The following MYL6 variants were observed in gnomAD, a reference collection of about 807,000 sequenced individuals.
MYL6 encodes myosin light chain 6.
In MYL6, 20 loss-of-function variants were observed where a neutral mutation model predicts 20.3. The observed-to-expected ratio is 0.98, with a 90% CI of 0.69 to 1.43. The LOEUF (loss-of-function observed/expected upper bound fraction) is 1.43, where lower values mean the gene tolerates loss of function less well. Ranked by LOEUF, MYL6 falls within the 40% of genes most tolerant of loss-of-function variation. MYL6 has a pLI of 0.00. For synonymous variants in MYL6, 77 were observed against 72.4 expected, an observed-to-expected ratio of 1.06 and a Z score of -0.32; for missense variants, 164 against 191.0, an observed-to-expected ratio of 0.86 and a Z score of 0.83.
intron 6 of MYL6, 30 bp downstream of exon 6, chr12:56,160,700 TG>T: frequency 6.2e-7 from 1 of 1,611,336 alleles, no homozygotes; most frequent in Non-Finnish European, 8.5e-7. Flanking sequence ...CTCCTCTAGT[TG>T]ATCTCCCCAG....
chr12:56,160,337 G>C lies in MYL6; in HGVS notation c.427+17G>C, dbSNP rs560993573. Reference sequence around the variant, plus strand: ...ACTATGAAGGTAAGAGGTGAACTGCGCTTTCTCAGAGAAAGCAGCCATATG... The same window carrying C: ...ACTATGAAGGTAAGAGGTGAACTGCCCTTTCTCAGAGAAAGCAGCCATATG... On this transcript the variant is annotated intron_variant, in intron 5 of 6. Coordinates refer to ENST00000550697, the MANE Select transcript of MYL6 (RefSeq NM_021019.5). 2 of 1,613,920 alleles carry C rather than the reference G, an allele frequency of 1.2e-6. No individual in the cohort carries two copies. The highest frequency in any genetic ancestry group is 1.7e-5 in the Admixed American group (1 of 59,996).
Position 56,159,742 on chromosome 12 carries a change from A to G in MYL6, c.175+12A>G, listed in dbSNP as rs1322265910. Reference sequence around the variant, plus strand: ...CCCCAAGAGTGATGGTGAGGGGCCTAAAGAACAACTCCTCAGTGTGGTCAT... The same window carrying G: ...CCCCAAGAGTGATGGTGAGGGGCCTGAAGAACAACTCCTCAGTGTGGTCAT... On this transcript the variant is annotated intron_variant, in intron 3 of 6. Transcript: ENST00000550697. 6.2e-7 allele frequency: 1 copy of G among 1,612,690 alleles called. No individual in the cohort carries two copies. The highest frequency in any genetic ancestry group is 2.2e-5 in the East Asian group (1 of 44,868).
chr12:56,158,458 G>C, intron 1 of MYL6, 54 bp downstream of exon 1: 1 of 1,556,056 alleles, frequency 6.4e-7, no homozygotes, highest in South Asian at 1.2e-5. Flanking sequence ...GGCAGGAAGA[G>C]ACGGGTGGGG....
At chr12:56,158,851 G>T in intron 2 of MYL6, 140 bp downstream of exon 2, 1 of 1,500,846 alleles carries the variant, frequency 6.7e-7, no homozygotes, top group Non-Finnish European at 8.8e-7. Context: ...TCTTCTTCTG[G>T]ATCCTCCATT....
At chr12:56,161,322 C>T in intron 6 of MYL6, 65 bp from the exon 7 acceptor site, 1 of 1,595,772 alleles carries the variant, frequency 6.3e-7, no homozygotes, top group Non-Finnish European at 8.6e-7. Context: ...CTGGTAGTCC[C>T]CTGGCCCTTG....
intron 6 of MYL6, 89 bp from the exon 7 acceptor site, chr12:56,161,298 G>A: frequency 1.3e-6 from 2 of 1,518,036 alleles, no homozygotes; most frequent in Middle Eastern, 1.9e-4. Context: ...TCCCGCTTAT[G>A]CTACCTTTGC....
rs1177503847 is a variant in MYL6 at position 56,161,413 on chromosome 12, T to C, written c.*43T>C. On this transcript the variant is annotated 3_prime_UTR_variant, in exon 7 of 7. Coordinates refer to ENST00000550697, the MANE Select transcript of MYL6 (RefSeq NM_021019.5). Reference sequence around the variant, plus strand: ...GCTCGTCCGCATGGTGCTGAATGGCTGAGGACCTTCCCAGTCTCCCCAGAG... The same window carrying C: ...GCTCGTCCGCATGGTGCTGAATGGCCGAGGACCTTCCCAGTCTCCCCAGAG... 1.2e-6 allele frequency: 2 copies of C among 1,614,100 alleles called. No individual in the cohort carries two copies. Among genetic ancestry groups the C allele is most frequent in the Non-Finnish European group, 1.7e-6 (2 of 1,180,040 alleles).
Position 56,160,321 on chromosome 12 carries a change from G to GT in MYL6, c.427+2dup, listed in dbSNP as rs745724012. 2 of 1,614,150 alleles carry GT rather than the reference G, an allele frequency of 1.2e-6. No individual in the cohort carries two copies. The highest frequency in any genetic ancestry group is 1.1e-5 in the South Asian group (1 of 91,088). On this transcript the variant is annotated splice_donor_variant, in intron 5 of 6. Transcript: ENST00000550697. LOFTEE classifies it high-confidence loss of function. ...AGCAATGGTTGTATCAACTATGAAG[G>GT]TAAGAGGTGAACTGCGCTTTCTCAG...
Position 56,160,661 on chromosome 12 carries a change from C to CACCCTGTCGGGGTG in MYL6, c.*8_*9insCCCTGTCGGGGTGA. On this transcript the variant is annotated 3_prime_UTR_variant, in exon 6 of 7. Coordinates refer to ENST00000550697, the MANE Select transcript of MYL6 (RefSeq NM_021019.5). ...GCATATCCTGTCGGGGTGACGGGCCCATGGGGCGGGTACGGCTCCTCCCAG... is the reference window on the plus strand; with the variant it reads ...GCATATCCTGTCGGGGTGACGGGCCCACCCTGTCGGGGTGATGGGGCGGGTACGGCTCCTCCCAG... 6.2e-7 allele frequency: 1 copy of CACCCTGTCGGGGTG among 1,614,160 alleles called. No homozygotes were observed. The highest frequency in any genetic ancestry group is 8.5e-7 in the Non-Finnish European group (1 of 1,180,014).
In MYL6 at chr12:56,161,047, C is replaced by T. The variant is rs1592263178; in HGVS notation, c.*17-340C>T. 1.6e-5 allele frequency: 9 copies of T among 566,236 alleles called. No individual in the cohort carries two copies. In the East Asian group the frequency reaches 2.7e-4, roughly 17 times the overall value. 35.1% of individuals were successfully genotyped at this position (566,236 alleles called of 1,614,324 possible). On this transcript the variant is annotated intron_variant, in intron 6 of 6. Coordinates refer to ENST00000550697, the MANE Select transcript of MYL6 (RefSeq NM_021019.5). ...TGCTATAGCTGAACAGTCCTTTCCC[C>T]TTCCCTCGCTGGGCAGCTTGGAGGT...
At chr12:56,160,450 C>T in intron 5 of MYL6, 130 bp downstream of exon 5, 1 of 1,449,112 alleles carries the variant, frequency 6.9e-7, no homozygotes, top group South Asian at 1.2e-5. Context: ...AGGGCCCTGC[C>T]CAGCCCAGCC....
chr12:56,161,350 C>T lies in MYL6; in HGVS notation c.*17-37C>T, dbSNP rs765222191. ...GGCCCTTGGCGTACCCCTCCACAGC[C>T]CTGTTCCCTGGCTCATCCCACCTTT... is the stretch of plus-strand genomic sequence containing the variant. On this transcript the variant is annotated intron_variant, in intron 6 of 6. Coordinates refer to ENST00000550697, the MANE Select transcript of MYL6 (RefSeq NM_021019.5). 3.7e-6 allele frequency: 6 copies of T among 1,613,948 alleles called. No homozygotes were observed. The South Asian group carries it at 6.6e-5, about 18-fold the overall frequency.
rs541262843 is a variant in MYL6, at chr12:56,161,374, T to C, written c.*17-13T>C. The C allele has an allele frequency of 1.9e-6, 3 of 1,614,092 alleles. No individual in the cohort carries two copies. Among genetic ancestry groups the C allele is most frequent in the East Asian group, 2.2e-5 (1 of 44,870 alleles). On this transcript the variant is annotated splice_polypyrimidine_tract_variant and intron_variant, in intron 6 of 6. Coordinates refer to ENST00000550697, the MANE Select transcript of MYL6 (RefSeq NM_021019.5). ...CCCTGTTCCCTGGCTCATCCCACCT[T>C]TCCTTTCCACAGAGCTCGTCCGCAT...
intron 3 of MYL6, 90 bp downstream of exon 3, chr12:56,159,820 C>T: frequency 6.5e-7 from 1 of 1,540,294 alleles, no homozygotes; most frequent in Middle Eastern, 1.8e-4. Flanking sequence ...AGGCCCCAAA[C>T]TCAAGCAAGT....
At position 56,160,310 on chromosome 12, in the gene MYL6, C is replaced by G; in HGVS notation, c.417C>G (p.Ile139Met). The change falls in exon 5 of 7, where the codon ATC becomes ATG. Residue 139 changes from isoleucine (I) to methionine (M), a missense_variant. Physicochemically the swap from Ile to Met is conservative, Grantham distance 10. Coordinates refer to ENST00000550697, the MANE Select transcript of MYL6 (RefSeq NM_021019.5). ...GGCATGAGGACAGCAATGGTTGTATCAACTATGAAGGTAAGAGGTGAACTG... is the reference window on the plus strand; with the variant it reads ...GGCATGAGGACAGCAATGGTTGTATGAACTATGAAGGTAAGAGGTGAACTG... ...VAGHEDSNGCINYEAFVRHIL... is the reference protein window; with the variant it reads ...VAGHEDSNGCMNYEAFVRHIL... 6.2e-7 allele frequency: 1 copy of G among 1,614,186 alleles called. No individual in the cohort carries two copies.
rs542043405 is a variant in MYL6 at position 56,158,471 on chromosome 12, CGAG to C, written c.3+71_3+73del. 3.5e-3 allele frequency: 5,548 copies of C among 1,563,248 alleles called. 19 individuals carry two copies. The highest frequency in any genetic ancestry group is 4.5e-3 in the Non-Finnish European group (5,138 of 1,153,918). ...GAGGCAGGAAGAGACGGGTGGGGGG[CGAG>C]GAGAAGGCAGGGGTAGGAGGCAAAG... On this transcript the variant is annotated intron_variant, in intron 1 of 6. Transcript: ENST00000550697.
At chr12:56,158,661 C>T (rs765452796) in intron 1 of MYL6, 23 bp from the exon 2 acceptor site, 1 of 1,614,078 alleles carries the variant, frequency 6.2e-7, no homozygotes, top group Non-Finnish European at 8.5e-7. Flanking sequence ...CAGATGCTGA[C>T]CACTTCCCTC....
In MYL6 at chr12:56,159,487, CGTT is replaced by C. The variant is rs1871573129; in HGVS notation, c.32-99_32-97del. On this transcript the variant is annotated intron_variant, in intron 2 of 6. Coordinates refer to ENST00000550697, the MANE Select transcript of MYL6 (RefSeq NM_021019.5). ...GGTGTACAGTTTGGTGCAGATATCT[CGTT>C]TCCTCAGCATGATCAAAGTTGAATG... is the stretch of plus-strand genomic sequence containing the variant. 5.4e-6 allele frequency: 8 copies of C among 1,477,512 alleles called. No individual in the cohort carries two copies. The South Asian group carries it at 7.6e-5, about 14-fold the overall frequency. 91.5% of individuals were successfully genotyped at this position (1,477,512 alleles called of 1,614,324 possible).
chr12:56,159,717 C>T lies in MYL6; in HGVS notation c.162C>T (p.Asn54=). The stretch of plus-strand genomic sequence containing the variant: ...CCGAGGTGCTCAAGGTCCTGGGGAA[C>T]CCCAAGAGTGATGGTGAGGGGCCTA... ...TNAEVLKVLG[N]PKSDEMNVKV... Residue 54 remains asparagine, a synonymous_variant, in exon 3 of 7, where the codon AAC becomes AAT. Coordinates refer to ENST00000550697, the MANE Select transcript of MYL6 (RefSeq NM_021019.5). The T allele has an allele frequency of 6.2e-7, 1 of 1,613,888 alleles. No homozygotes were observed. The highest frequency in any genetic ancestry group is 8.5e-7 in the Non-Finnish European group (1 of 1,179,858).
Sources: gnomAD v4.1 joint callset for allele counts on GRCh38, gnomAD v4.1.1 for gene constraint, MANE v1.5 for transcripts, NCBI Gene and HGNC (gene_info 2026-07-23, HGNC 2026-07-21) for gene names.